Variants in TSPEAR observed in about 807,000 individuals in gnomAD.
TSPEAR encodes the protein thrombospondin-type laminin G domain and EAR repeat-containing protein.
Under a neutral mutation model 71.6 loss-of-function variants are expected in TSPEAR, and 69 were observed. The observed-to-expected ratio is 0.96, with a 90% CI of 0.79 to 1.18. The LOEUF is 1.18. Among genes scored for constraint, TSPEAR ranks in the 50% most tolerant of loss-of-function variants. TSPEAR has a pLI of 0.00. For synonymous variants in TSPEAR, 402 were observed against 387.2 expected (o/e 1.04, Z -0.45); for missense variants, 971 against 894.9 (o/e 1.09, Z -1.09).
chr21:44,624,182 T>A (rs1394615218), intron 1 of TSPEAR, among the ~76,000 whole-genome samples: 2 of 152,242 alleles, frequency 1.3e-5, no homozygotes, highest in Non-Finnish European at 2.9e-5. Context: ...TTGTCTAATA[T>A]GTTGTCTAGC....
rs587748715 is a variant in TSPEAR at position 44,627,205 on chromosome 21, G to C, written c.83-59200C>G. 16 of 1,612,816 alleles carry C rather than the reference G, an allele frequency of 9.9e-6. No individual in the cohort carries two copies. In the South Asian group the frequency reaches 1.1e-4, roughly 11 times the overall value. ...GTCCACCATGTCCATCCGCTCCAGC[G>C]CTTACTCCGACTCCTGGCAGGTGGA... is the stretch of plus-strand genomic sequence containing the variant. On this transcript the variant is annotated intron_variant, in intron 1 of 11. Coordinates refer to ENST00000323084, the MANE Select transcript of TSPEAR (RefSeq NM_144991.3).
intron 2 of TSPEAR, among the ~76,000 whole-genome samples, chr21:44,553,374 C>T (rs1290592997): frequency 6.6e-6 from 1 of 152,108 alleles, no homozygotes; most frequent in Non-Finnish European, 1.5e-5. Flanking sequence ...TGAAAGACAG[C>T]AAGTCTTCAA....
chr21:44,539,169 T>G, intron 2 of TSPEAR: 1 of 1,410,438 alleles, frequency 7.1e-7, no homozygotes, highest in Non-Finnish European at 9.3e-7. Flanking sequence ...GGAGGGGGGG[T>G]CACCTCAGCA....
chr21:44,551,815 C>T lies in TSPEAR; in HGVS notation c.303+15970G>A, dbSNP rs587628767. Among the ~76,000 whole-genome samples the T allele has an allele frequency of 3.2e-3, 493 of 152,258 alleles. 2 individuals are homozygous for T. Among genetic ancestry groups the T allele is most frequent in the Non-Finnish European group, 5.3e-3 (363 of 68,000 alleles). Reference sequence around the variant, plus strand: ...CTGGTGACTTCCACCTGGCAGGTCCCGTGACTGTGCCCAGCGTGAGCTCTG... The same window carrying T: ...CTGGTGACTTCCACCTGGCAGGTCCTGTGACTGTGCCCAGCGTGAGCTCTG... On this transcript the variant is annotated intron_variant, in intron 2 of 11. Transcript: ENST00000323084.
chr21:44,705,402 G>C (rs1420253685), intron 1 of TSPEAR, among the ~76,000 whole-genome samples: 1 of 152,224 alleles, frequency 6.6e-6, no homozygotes, highest in Non-Finnish European at 1.5e-5. Flanking sequence ...ATTGTTCAGG[G>C]AATAAGAGAG....
chr21:44,633,257 CCTT>C (rs1983358929), intron 1 of TSPEAR, among the ~76,000 whole-genome samples: 1 of 152,052 alleles, frequency 6.6e-6, no homozygotes, highest in Admixed American at 6.6e-5. Flanking sequence ...TTATTTTCTT[CCTT>C]CTTCTAGGTT....
At chr21:44,707,330 A>C (rs1056450225) in intron 1 of TSPEAR, among the ~76,000 whole-genome samples, 1 of 151,376 alleles carries the variant, frequency 6.6e-6, no homozygotes, top group Non-Finnish European at 1.5e-5. Context: ...GAGAGGACAC[A>C]GGGTCGGAAG....
chr21:44,513,182 G>A (rs782238942), intron 9 of TSPEAR, among the ~76,000 whole-genome samples: 17 of 152,224 alleles, frequency 1.1e-4, no homozygotes, highest in African/African-American at 3.1e-4. Context: ...CCGAGTCCAC[G>A]GTAGGGCGGT....
chr21:44,635,171 C>A (rs1983472123), intron 1 of TSPEAR, among the ~76,000 whole-genome samples: 1 of 151,738 alleles, frequency 6.6e-6, no homozygotes, highest in Non-Finnish European at 1.5e-5. Flanking sequence ...ATGGTGAAAC[C>A]CCGTCTCTAC....
rs782389438 is a variant in TSPEAR at position 44,647,150 on chromosome 21, G to T, written c.82+64283C>A. On this transcript the variant is annotated intron_variant, in intron 1 of 11. Transcript: ENST00000323084. ...CCAGCTTGCTGCACCACCTCCTGCT[G>T]CAGACCCTCCTCCTCTGTGTCCCTC... 1 of 1,613,994 alleles carries T rather than the reference G, an allele frequency of 6.2e-7. No homozygotes were observed. The highest frequency in any genetic ancestry group is 1.3e-5 in the African/African-American group (1 of 74,884).
intron 2 of TSPEAR, chr21:44,558,646 C>T: frequency 6.2e-7 from 1 of 1,613,280 alleles, no homozygotes; most frequent in Non-Finnish European, 8.5e-7. Flanking sequence ...CAGCAGCTCT[C>T]TGGGCAGGCG....
intron 2 of TSPEAR, among the ~76,000 whole-genome samples, chr21:44,554,926 T>C (rs2053501776): frequency 6.6e-6 from 1 of 152,216 alleles, no homozygotes; most frequent in Non-Finnish European, 1.5e-5. Flanking sequence ...GAGAGCAAGA[T>C]TAATTCTGTT....
chr21:44,668,262 C>T (rs1985888763), intron 1 of TSPEAR, among the ~76,000 whole-genome samples: 1 of 152,032 alleles, frequency 6.6e-6, no homozygotes, highest in Admixed American at 6.5e-5. Flanking sequence ...AACTAACAAG[C>T]ATAATCTCAA....
chr21:44,673,636 T>G (rs1245315212), intron 1 of TSPEAR, among the ~76,000 whole-genome samples: 1 of 152,194 alleles, frequency 6.6e-6, no homozygotes, highest in Non-Finnish European at 1.5e-5. Context: ...AAAGAACATT[T>G]CATCTAACAG....
intron 1 of TSPEAR, among the ~76,000 whole-genome samples, chr21:44,594,885 C>T (rs1429473679): frequency 2.1e-5 from 3 of 142,028 alleles, no homozygotes; most frequent in African/African-American, 5.5e-5. Flanking sequence ...TGCAGTGGTA[C>T]GATCTCAGCT....
chr21:44,686,786 G>C (rs1324625506), intron 1 of TSPEAR, among the ~76,000 whole-genome samples: 1 of 152,204 alleles, frequency 6.6e-6, no homozygotes, highest in Non-Finnish European at 1.5e-5. Context: ...GAACGTTCTT[G>C]TGCAGGAAGG....
At chr21:44,525,402 G>T (rs1434243931) in intron 8 of TSPEAR, among the ~76,000 whole-genome samples, 1 of 152,206 alleles carries the variant, frequency 6.6e-6, no homozygotes, top group Non-Finnish European at 1.5e-5. Flanking sequence ...GAGGGAGGCT[G>T]GCAGGTATTC....
chr21:44,567,657 T>C (rs1181848827), intron 2 of TSPEAR, 128 bp downstream of exon 2: 2 of 763,042 alleles, frequency 2.6e-6, no homozygotes, highest in African/African-American at 1.8e-5. Context: ...CCAGCCACTC[T>C]TGATCCCAGA....
intron 1 of TSPEAR, among the ~76,000 whole-genome samples, chr21:44,704,351 G>T (rs934658440): frequency 1.3e-5 from 2 of 152,026 alleles, no homozygotes; most frequent in Non-Finnish European, 2.9e-5. Context: ...TCTGTAGCCT[G>T]TCAGTCCAGA....
Sources: gnomAD v4.1 joint callset for allele counts (sites outside exome capture counted in the v4.1 genomes callset) on GRCh38, gnomAD v4.1.1 for gene constraint, MANE v1.5 for transcripts, NCBI Gene and HGNC (gene_info 2026-07-23, HGNC 2026-07-21) for gene names.